Variants in POTEI observed in about 807,000 individuals in gnomAD.
The protein encoded by POTEI is POTE ankyrin domain family, member I.
A neutral mutation model predicts 43.4 loss-of-function variants in POTEI; 14 were observed. That is an observed-to-expected ratio of 0.32 (90% CI 0.21 to 0.50). The LOEUF (loss-of-function observed/expected upper bound fraction) is 0.50. POTEI is among the 20% of genes least tolerant of loss of function. The pLI is 0.98. For missense variants in POTEI, 235 were observed against 795.4 expected (o/e 0.30, Z 8.47); for synonymous variants, 95 against 297.9 (o/e 0.32, Z 7.01).
rs1479918347 is a variant in POTEI, at chr2:130,460,064, C to G, written c.*2752G>C. ...GCCGTATGGAGAGGCAATGTGCAGG[C>G]TGGTGCGTGGCTCTAGGGGCCACCT... On this transcript the variant is annotated 3_prime_UTR_variant, in exon 15 of 15. Transcript: ENST00000451531. 6.6e-6 allele frequency: 1 copy of G among 150,426 alleles called. No homozygotes were observed. Among genetic ancestry groups the G allele is most frequent in the East Asian group, 1.9e-4 (1 of 5,144 alleles). The allele number at this position is 150,426 out of a possible 1,614,324, so 9.3% of individuals were successfully genotyped here.
chr2:130,467,669 T>C (rs1485191076), intron 13 of POTEI, among the ~76,000 whole-genome samples: 1 of 152,096 alleles, frequency 6.6e-6, no homozygotes, highest in African/African-American at 2.4e-5. Flanking sequence ...GAAATAATCA[T>C]CAAACAACAA....
At chr2:130,474,182 G>A (rs1683107600) in intron 13 of POTEI, among the ~76,000 whole-genome samples, 196 bp downstream of exon 13, 1 of 151,230 alleles carries the variant, frequency 6.6e-6, no homozygotes, top group African/African-American at 2.5e-5. Flanking sequence ...TGCCAATACT[G>A]GTTATTTTTC....
chr2:130,479,153 T>A (rs1683306653), intron 10 of POTEI, among the ~76,000 whole-genome samples: 1 of 140,430 alleles, frequency 7.1e-6, no homozygotes, highest in Admixed American at 7.2e-5. Context: ...CTAAATCATA[T>A]TGACTATACC....
At chr2:130,478,613 G>A (rs1364460377) in intron 10 of POTEI, among the ~76,000 whole-genome samples, 1 of 131,680 alleles carries the variant, frequency 7.6e-6, no homozygotes, top group Non-Finnish European at 1.5e-5. Context: ...ACTATGACAT[G>A]AAGCCAAGCA....
intron 8 of POTEI, among the ~76,000 whole-genome samples, chr2:130,488,672 G>A (rs1272364371): frequency 1.6e-5 from 2 of 123,440 alleles, no homozygotes; most frequent in Admixed American, 8.3e-5. Context: ...GCCCTTTTCT[G>A]CGCTAAGATA....
intron 9 of POTEI, among the ~76,000 whole-genome samples, chr2:130,484,383 T>A (rs1367861901): frequency 9.3e-6 from 1 of 107,792 alleles, no homozygotes; most frequent in African/African-American, 3.6e-5. Flanking sequence ...TGCTCCCAAT[T>A]GCATCTTAAG....
At chr2:130,477,239 C>T (rs62163589) in intron 10 of POTEI, among the ~76,000 whole-genome samples, 13,144 of 147,232 alleles carry the variant, frequency 0.089, no homozygotes, top group Non-Finnish European at 0.14. Context: ...CTGCAACCTC[C>T]GCCTCCCTGG....
chr2:130,478,697 C>T (rs1190661079), intron 10 of POTEI, among the ~76,000 whole-genome samples: 8 of 106,114 alleles, frequency 7.5e-5, no homozygotes, highest in Non-Finnish European at 1.3e-4. Flanking sequence ...AGCTGTGACT[C>T]ACACAGGTCA....
In POTEI at chr2:130,461,568, G is replaced by A. The variant is rs1278111311; in HGVS notation, c.*1248C>T. The A allele has an allele frequency of 6.6e-6, 1 of 152,192 alleles. No homozygotes were observed. The highest frequency in any genetic ancestry group is 1.9e-4 in the East Asian group (1 of 5,182). The allele number at this position is 152,192 out of a possible 1,614,324, so 9.4% of individuals were successfully genotyped here. A position where few individuals can be genotyped will look rare whatever the true frequency, so the allele number is the denominator to read the frequency against. ...AGGCCAGAATGGCTAGTCACCGAAA[G>A]AGCAAAGGTGGGGGCCTGCCCCTCT... On this transcript the variant is annotated 3_prime_UTR_variant, in exon 15 of 15. Transcript: ENST00000451531.
upstream of POTEI, chr2:130,509,670 G>C: frequency 4.7e-5 from 3 of 63,932 alleles, no homozygotes; most frequent in South Asian, 5.0e-4. Context: ...GCAGTTACCC[G>C]CGTGCAGCAT....
At chr2:130,501,748 T>TA (rs1171495031) in intron 3 of POTEI, among the ~76,000 whole-genome samples, 5 of 1,528 alleles carry the variant, frequency 3.3e-3, no homozygotes, top group African/African-American at 3.6e-3. Context: ...TACTGAAAAA[T>TA]AAAAAAAAAT....
intron 10 of POTEI, among the ~76,000 whole-genome samples, chr2:130,479,246 C>T (rs980885758): frequency 1.3e-5 from 2 of 150,612 alleles, no homozygotes; most frequent in African/African-American, 4.9e-5. Flanking sequence ...AAGAAAACTG[C>T]CAACTATTAA....
intron 6 of POTEI, among the ~76,000 whole-genome samples, chr2:130,491,856 T>C (rs1157918313): frequency 2.2e-5 from 1 of 46,386 alleles, no homozygotes; most frequent in African/African-American, 5.0e-5. Flanking sequence ...GGTTTCACCA[T>C]TGGCCATGAT....
At chr2:130,483,758 T>A (rs1338178833) in intron 9 of POTEI, among the ~76,000 whole-genome samples, 1 of 148,860 alleles carries the variant, frequency 6.7e-6, no homozygotes, top group Non-Finnish European at 1.5e-5. Context: ...CCACACCCGG[T>A]TAATTTTTTT....
At chr2:130,469,188 C>A (rs1573912103) in intron 13 of POTEI, among the ~76,000 whole-genome samples, 2 of 127,910 alleles carry the variant, frequency 1.6e-5, no homozygotes, top group Non-Finnish European at 1.6e-5. Flanking sequence ...TCATCATAAC[C>A]AAAACTTTAA....
chr2:130,482,486 CA>C (rs1436132778), intron 9 of POTEI, among the ~76,000 whole-genome samples: 8 of 150,756 alleles, frequency 5.3e-5, no homozygotes, highest in South Asian at 2.1e-4. Context: ...AACAAGATAA[CA>C]TTTTTTTAAA....
rs4850162 is a variant in POTEI, at chr2:130,470,605, C to T, written c.1778+3773G>A. Among the ~76,000 whole-genome samples the T allele has an allele frequency of 3.9e-3, 28 of 7,138 alleles. 2 individuals carry two copies. The highest frequency in any genetic ancestry group is 4.1e-3 in the African/African-American group (27 of 6,586). 4.7% of individuals were successfully genotyped at this position (7,138 alleles called of 152,430 possible). On this transcript the variant is annotated intron_variant, in intron 13 of 14. Transcript: ENST00000451531. ...AGAGCATCCCTGGTATGTTCCCAAT[C>T]GAATCTCAAGCCTGACGCGTCCTGA...
chr2:130,491,894 G>C (rs1683751124), intron 6 of POTEI, among the ~76,000 whole-genome samples: 1 of 45,254 alleles, frequency 2.2e-5, no homozygotes, highest in Admixed American at 3.1e-4. Flanking sequence ...CTTGTGATCT[G>C]CCTGCTCCAG....
At chr2:130,507,303 T>TACACACACACAC (rs1558895823) in intron 1 of POTEI, among the ~76,000 whole-genome samples, 1 of 11,508 alleles carries the variant, frequency 8.7e-5, no homozygotes, top group Non-Finnish European at 1.0e-3. Flanking sequence ...TATATATATA[T>TACACACACACAC]ATATATATAT....
Sources: gnomAD v4.1 joint callset for allele counts (sites outside exome capture counted in the v4.1 genomes callset) on GRCh38, gnomAD v4.1.1 for gene constraint, MANE v1.5 for transcripts, NCBI Gene and HGNC (gene_info 2026-07-23, HGNC 2026-07-21) for gene names.